LINGO2: variants seen among roughly 807,000 people sequenced by gnomAD.
LINGO2 encodes leucine-rich repeat and immunoglobulin-like domain-containing nogo receptor-interacting protein 2.
In LINGO2, 14 loss-of-function variants were observed where a neutral mutation model predicts 30.6. The ratio of observed to expected loss-of-function variants is 0.46; its 90% CI spans 0.30 to 0.72. The LOEUF (loss-of-function observed/expected upper bound fraction) is 0.72, where lower values mean the gene tolerates loss of function less well. Among genes scored for constraint, LINGO2 ranks in the 30% least tolerant of loss-of-function variants. The probability of loss-of-function intolerance (pLI) is 0.07; values close to 1 mark genes in which losing one functional copy is unlikely to be tolerated. For missense variants in LINGO2, 729 were observed against 751.7 expected (o/e 0.97, Z 0.35); for synonymous variants, 317 against 288.5 (o/e 1.10, Z -1.00).
chr9:28,247,397 A>C (rs775172487), intron 4 of LINGO2, among the ~76,000 whole-genome samples: 23 of 152,304 alleles, frequency 1.5e-4, no homozygotes, highest in Non-Finnish European at 2.8e-4. Flanking sequence ...GGTACATATA[A>C]ACCATGGAAT....
chr9:28,916,063 T>C, the LINGO2 span, among the ~76,000 whole-genome samples: 1 of 152,096 alleles, frequency 6.6e-6, no homozygotes, highest in Non-Finnish European at 1.5e-5. Context: ...ATGGTGCAAA[T>C]GGGTGGTCAG....
chr9:29,188,963 ACC>A, the LINGO2 span, among the ~76,000 whole-genome samples: 1 of 118,586 alleles, frequency 8.4e-6, no homozygotes, highest in African/African-American at 3.3e-5. Flanking sequence ...CGGGGGGCTG[ACC>A]CCCCCACCTC....
chr9:29,148,788 A>AT, the LINGO2 span, among the ~76,000 whole-genome samples: 1 of 152,100 alleles, frequency 6.6e-6, no homozygotes. Flanking sequence ...AAAGGAGACA[A>AT]TTTTCTCTAC....
At chr9:28,844,984 A>G in the LINGO2 span, among the ~76,000 whole-genome samples, 1 of 151,942 alleles carries the variant, frequency 6.6e-6, no homozygotes, top group Non-Finnish European at 1.5e-5. Flanking sequence ...TATGCTAAGT[A>G]GGTACTTATG....
chr9:28,676,927 T>C, the LINGO2 span, among the ~76,000 whole-genome samples: 47 of 152,302 alleles, frequency 3.1e-4, 3 homozygotes, highest in African/African-American at 1.0e-3. Flanking sequence ...TTAAAACATA[T>C]GTTTATAAAC....
intron 4 of LINGO2, chr9:28,080,527 A>T (rs10757709): frequency 0.92 from 139,518 of 152,240 alleles, 64,396 homozygotes; most frequent in East Asian, 1. Flanking sequence ...ACCTCCTTAA[A>T]AAAAATTCCT....
chr9:28,343,246 T>C lies in LINGO2; in HGVS notation c.-246+29590A>G, dbSNP rs537339327. Among the ~76,000 whole-genome samples, 9 of 152,274 alleles carry C rather than the reference T, an allele frequency of 5.9e-5. No individual in the cohort carries two copies. In the South Asian group the frequency reaches 1.9e-3, roughly 32 times the overall value. On this transcript the variant is annotated intron_variant, in intron 3 of 5. Coordinates refer to ENST00000379992, the Ensembl canonical transcript of LINGO2. ...TAATAAGACAATCACAAGTTAAACC[T>C]ACACTTTGCTTATAGTTTATGACAT... is the stretch of plus-strand genomic sequence containing the variant.
intron 1 of LINGO2, among the ~76,000 whole-genome samples, chr9:28,534,864 G>T (rs1426037771): frequency 6.6e-6 from 1 of 152,002 alleles, no homozygotes; most frequent in African/African-American, 2.4e-5. Flanking sequence ...TTATTCTGGA[G>T]TTTTGTCAAA....
the LINGO2 span, among the ~76,000 whole-genome samples, chr9:28,982,872 A>G: frequency 0.021 from 3,223 of 152,136 alleles, 95 homozygotes; most frequent in African/African-American, 0.072. Context: ...ACTTAATACT[A>G]TTAAAACCTT....
rs114831903 is a variant in LINGO2 at position 28,107,282 on chromosome 9, T to C, written c.-86-94877A>G. Among the ~76,000 whole-genome samples the C allele has an allele frequency of 9.8e-3, 1,492 of 152,330 alleles. 30 individuals are homozygous for C. Among genetic ancestry groups the C allele is most frequent in the African/African-American group, 0.034 (1,394 of 41,560 alleles). On this transcript the variant is annotated intron_variant, in intron 4 of 5. Transcript: ENST00000379992. ...TTTGTTTTGGTCAATATTATATTCC[T>C]AGCACCTTTTACAATGCTTAGTGTG...
At chr9:29,153,913 G>T in the LINGO2 span, among the ~76,000 whole-genome samples, 1 of 152,206 alleles carries the variant, frequency 6.6e-6, no homozygotes, top group East Asian at 1.9e-4. Context: ...CAGAACAACT[G>T]CCTCAACCTT....
the LINGO2 span, among the ~76,000 whole-genome samples, chr9:29,119,430 G>A: frequency 1.3e-5 from 2 of 150,052 alleles, no homozygotes; most frequent in African/African-American, 4.9e-5. Context: ...AGAAATTGCT[G>A]GAAAAAAAAG....
chr9:28,150,610 T>C (rs1827971960), intron 4 of LINGO2, among the ~76,000 whole-genome samples: 1 of 152,194 alleles, frequency 6.6e-6, no homozygotes, highest in South Asian at 2.1e-4. Context: ...GAGAGCAGGA[T>C]GGTCTTTTGG....
chr9:28,251,812 T>C (rs1822211680), intron 4 of LINGO2, among the ~76,000 whole-genome samples: 1 of 152,094 alleles, frequency 6.6e-6, no homozygotes, highest in South Asian at 2.1e-4. Context: ...GAATATTATG[T>C]GATAATTAAA....
At chr9:28,797,359 T>TATATATATAGAG in the LINGO2 span, among the ~76,000 whole-genome samples, 16 of 34,202 alleles carry the variant, frequency 4.7e-4, no homozygotes, top group Non-Finnish European at 7.1e-4. Flanking sequence ...TATATATATA[T>TATATATATAGAG]AGAGAGAGAG....
At chr9:28,738,167 T>C in the LINGO2 span, among the ~76,000 whole-genome samples, 1 of 152,126 alleles carries the variant, frequency 6.6e-6, no homozygotes, top group East Asian at 1.9e-4. Context: ...ATTCCAGTAG[T>C]ACTGCCTGAA....
At chr9:28,641,277 C>G (rs12340345) in intron 1 of LINGO2, among the ~76,000 whole-genome samples, 1 of 152,172 alleles carries the variant, frequency 6.6e-6, no homozygotes, top group Admixed American at 6.5e-5. Flanking sequence ...ACCTCATGAT[C>G]TGCTTGCCTC....
intron 4 of LINGO2, among the ~76,000 whole-genome samples, chr9:28,109,321 T>A (rs1205411365): frequency 3.9e-5 from 6 of 152,168 alleles, no homozygotes; most frequent in Admixed American, 3.9e-4. Flanking sequence ...AAGCATTCCC[T>A]TTGAAAACCA....
intron 1 of LINGO2, among the ~76,000 whole-genome samples, chr9:28,559,704 G>T (rs184795105): frequency 1.0e-3 from 159 of 151,938 alleles, no homozygotes; most frequent in Admixed American, 6.0e-3. Context: ...TGTCAGTCTT[G>T]TGTCCTTTTC....
Sources: allele counts gnomAD v4.1 joint callset (sites outside exome capture counted in the v4.1 genomes callset), GRCh38; gene constraint gnomAD v4.1.1; transcripts MANE v1.5; gene names NCBI Gene and HGNC (gene_info 2026-07-23, HGNC 2026-07-21).